Variants in FLNB observed in about 807,000 individuals in gnomAD.
The protein encoded by FLNB is filamin B.
FLNB carries 111 observed loss-of-function variants against 250.6 expected under a neutral mutation model. The observed-to-expected ratio is 0.44, with a 90% CI of 0.38 to 0.52. The LOEUF is 0.52. Among genes scored for constraint, FLNB ranks in the 20% least tolerant of loss-of-function variants. The pLI is 0.00. For missense variants in FLNB, 2,869 were observed against 3,447.8 expected (o/e 0.83, Z 4.20); for synonymous variants, 1,302 against 1,372.1 (o/e 0.95, Z 1.13).
intron 26 of FLNB, among the ~76,000 whole-genome samples, chr3:58,134,135 G>T (rs2097312293): frequency 6.6e-6 from 1 of 152,204 alleles, no homozygotes; most frequent in South Asian, 2.1e-4. Flanking sequence ...TTAGGAATTG[G>T]GCCGCACGGT....
At chr3:58,093,827 G>A (rs959079992) in intron 4 of FLNB, among the ~76,000 whole-genome samples, 1 of 152,140 alleles carries the variant, frequency 6.6e-6, no homozygotes, top group African/African-American at 2.4e-5. Flanking sequence ...AACAACCTGG[G>A]TGAACCTGTA....
intron 1 of FLNB, among the ~76,000 whole-genome samples, chr3:58,045,434 C>A (rs9839449): frequency 6.6e-6 from 1 of 152,090 alleles, no homozygotes. Context: ...AACACAAATT[C>A]GTAAACTTTC....
At chr3:58,072,470 G>A (rs754098349) in intron 1 of FLNB, among the ~76,000 whole-genome samples, 2 of 152,170 alleles carry the variant, frequency 1.3e-5, no homozygotes, top group Admixed American at 6.5e-5. Flanking sequence ...TGCAGAGCAC[G>A]TTCAGATCTG....
Position 58,159,837 on chromosome 3 carries a change from T to C in FLNB, c.7021+151T>C, listed in dbSNP as rs914352050. 31 of 847,540 alleles carry C rather than the reference T, an allele frequency of 3.7e-5. No homozygotes were observed. In the African/African-American group the frequency reaches 5.0e-4, roughly 14 times the overall value. The allele number at this position is 847,540 out of a possible 1,614,324, so 52.5% of individuals were successfully genotyped here. ...GCTGTTGCCAGATATTGTTTATAAA[T>C]TAGGGTTTAAACATGTGCCAGGGAT... On this transcript the variant is annotated intron_variant, in intron 42 of 45. Coordinates refer to ENST00000295956, the MANE Select transcript of FLNB (RefSeq NM_001457.4).
rs2097339489 is a variant in FLNB, at chr3:58,148,455, A to G, written c.5887+91A>G. ...GTCCTTTCTTGGGAATGGGTAGCACAATGGAGTGTGATGTGATAAACCTGC... is the reference window on the plus strand; with the variant it reads ...GTCCTTTCTTGGGAATGGGTAGCACGATGGAGTGTGATGTGATAAACCTGC... On this transcript the variant is annotated intron_variant, in intron 35 of 45. Coordinates refer to ENST00000295956, the MANE Select transcript of FLNB (RefSeq NM_001457.4). The G allele has an allele frequency of 4.8e-6, 7 of 1,463,380 alleles. No individual in the cohort carries two copies. The Admixed American group carries it at 1.3e-4, about 28-fold the overall frequency. 90.6% of individuals were successfully genotyped at this position (1,463,380 alleles called of 1,614,324 possible).
intron 7 of FLNB, among the ~76,000 whole-genome samples, chr3:58,098,274 A>G (rs956743383): frequency 6.6e-6 from 1 of 152,156 alleles, no homozygotes; most frequent in Non-Finnish European, 1.5e-5. Flanking sequence ...CCCCTAGAAA[A>G]TAGTTGTTAA....
At chr3:58,148,955 G>A (rs1180244100) in intron 36 of FLNB, 103 bp downstream of exon 36, 4 of 1,059,056 alleles carry the variant, frequency 3.8e-6, no homozygotes, top group Non-Finnish European at 5.8e-6. Flanking sequence ...TCCTTTCTGA[G>A]CATCCTTCAA....
At chr3:58,099,016 A>C in intron 8 of FLNB, 108 bp downstream of exon 8, 1 of 921,460 alleles carries the variant, frequency 1.1e-6, no homozygotes, top group Non-Finnish European at 1.8e-6. Context: ...CCTTATGCCT[A>C]TCCCTTTTCT....
Position 58,152,607 on chromosome 3 carries a change from G to T in FLNB, c.6368-768G>T, listed in dbSNP as rs2097346963. 5 of 364,342 alleles carry T rather than the reference G, an allele frequency of 1.4e-5. No individual in the cohort carries two copies. The South Asian group carries it at 1.5e-4, about 11-fold the overall frequency. 22.6% of individuals were successfully genotyped at this position (364,342 alleles called of 1,614,324 possible). On this transcript the variant is annotated intron_variant, in intron 38 of 45. Coordinates refer to ENST00000295956, the MANE Select transcript of FLNB (RefSeq NM_001457.4). ...CCCATGATAATCCCATCACATTGTT[G>T]GGGGTAGGGTTTCAATATTTGAATT...
chr3:58,151,602 G>T (rs2097345118), intron 38 of FLNB, among the ~76,000 whole-genome samples: 1 of 151,976 alleles, frequency 6.6e-6, no homozygotes. Context: ...TGTTTTTGTG[G>T]GCATCTTCCC....
At chr3:58,140,552 A>G (rs1032778107) in intron 29 of FLNB, among the ~76,000 whole-genome samples, 4 of 152,194 alleles carry the variant, frequency 2.6e-5, no homozygotes, top group Non-Finnish European at 4.4e-5. Flanking sequence ...TTATGGCGGA[A>G]GAGGGTGTTG....
chr3:58,101,696 G>A (rs929031531), intron 8 of FLNB, among the ~76,000 whole-genome samples: 1 of 152,178 alleles, frequency 6.6e-6, no homozygotes, highest in East Asian at 1.9e-4. Flanking sequence ...AGCTGTGTTG[G>A]TTGTTTTTGC....
In FLNB at chr3:58,117,789, A is replaced by AATGAAGAATGCAACCAATTG. The variant is rs1559705414; in HGVS notation, c.2746-1083_2746-1082insATGAAGAATGCAACCAATTG. 4.0e-3 allele frequency among the ~76,000 whole-genome samples: 582 copies of AATGAAGAATGCAACCAATTG among 146,174 alleles called. 4 individuals carry two copies. Among genetic ancestry groups the AATGAAGAATGCAACCAATTG allele is most frequent in the Non-Finnish European group, 6.1e-3 (409 of 66,706 alleles). On this transcript the variant is annotated intron_variant, in intron 18 of 45. Transcript: ENST00000295956. The stretch of plus-strand genomic sequence containing the variant: ...TAATCCTCTCTTCATTGATGCAACC[A>AATGAAGAATGCAACCAATTG]GTTTTTTTTTTTTTTTCTTGGCCTT...
intron 21 of FLNB, among the ~76,000 whole-genome samples, chr3:58,123,956 GT>G (rs911638963): frequency 2.0e-5 from 3 of 152,116 alleles, no homozygotes; most frequent in Admixed American, 6.5e-5. Context: ...AGAATCTCTA[GT>G]TTTTTGGCAA....
chr3:58,134,302 G>C (rs542069402), intron 26 of FLNB, among the ~76,000 whole-genome samples: 39 of 152,338 alleles, frequency 2.6e-4, no homozygotes, highest in African/African-American at 9.4e-4. Context: ...CTGATGATCT[G>C]AGGTGGAACA....
chr3:58,016,909 C>T (rs762653142), intron 1 of FLNB, among the ~76,000 whole-genome samples: 55 of 152,174 alleles, frequency 3.6e-4, no homozygotes, highest in Admixed American at 2.0e-3. Flanking sequence ...CTACTAGAAG[C>T]CATCTTACAT....
At chr3:58,132,068 G>T in intron 25 of FLNB, 1 of 1,277,738 alleles carries the variant, frequency 7.8e-7, no homozygotes, top group Non-Finnish European at 1.1e-6. Flanking sequence ...AATGCTTCTT[G>T]CTGGCCTCAC....
At chr3:58,152,864 T>A (rs1458092527) in intron 38 of FLNB, 2 of 573,694 alleles carry the variant, frequency 3.5e-6, no homozygotes, top group African/African-American at 3.8e-5. Flanking sequence ...CGTGAGCAGC[T>A]CACGGAGAGT....
In FLNB at chr3:58,142,815, G is replaced by A; in HGVS notation, c.5284+63G>A. 4 of 1,420,962 alleles carry A rather than the reference G, an allele frequency of 2.8e-6. No homozygotes were observed. The highest frequency in any genetic ancestry group is 4.0e-6 in the Non-Finnish European group (4 of 1,007,552). 88.0% of individuals were successfully genotyped at this position (1,420,962 alleles called of 1,614,324 possible). A position where few individuals can be genotyped will look rare whatever the true frequency, so the allele number is the denominator to read the frequency against. On this transcript the variant is annotated intron_variant, in intron 31 of 45. Transcript: ENST00000295956. This position sits in a 1 kb window ranked among gnomAD's most constrained non-coding sequence, Gnocchi z 4.3. Reference sequence around the variant, plus strand: ...GCTCTCACGAGCTTCCCAGAATGGTGCTGGGGAGGTGTGTCCACTGTCCCC... The same window carrying A: ...GCTCTCACGAGCTTCCCAGAATGGTACTGGGGAGGTGTGTCCACTGTCCCC...
Sources: gnomAD v4.1 joint callset for allele counts (sites outside exome capture counted in the v4.1 genomes callset) on GRCh38, gnomAD v4.1.1 for gene constraint, Gnocchi (gnomAD v3.1) non-coding constraint, MANE v1.5 for transcripts, NCBI Gene and HGNC (gene_info 2026-07-23, HGNC 2026-07-21) for gene names.